Variants in MTRF1 observed in about 807,000 individuals in gnomAD.
MTRF1 encodes the protein mitochondrial translation release factor 1, also known as peptide chain release factor 1, mitochondrial.
MTRF1 carries 51 observed loss-of-function variants against 62.9 expected under a neutral mutation model. That is an observed-to-expected ratio of 0.81 (90% CI 0.65 to 1.02). The LOEUF is 1.02. Among genes scored for constraint, MTRF1 ranks in the 50% least tolerant of loss-of-function variants. MTRF1 has a pLI of 0.00. For synonymous variants in MTRF1, 158 were observed against 181.9 expected (o/e 0.87, Z 1.06); for missense variants, 446 against 530.0 (o/e 0.84, Z 1.56).
the MTRF1 span, among the ~76,000 whole-genome samples, chr13:41,295,022 C>T: frequency 3.9e-5 from 6 of 152,194 alleles, no homozygotes; most frequent in Non-Finnish European, 5.9e-5. Flanking sequence ...ACTTATATCT[C>T]GGAAGTTCAA....
At chr13:41,253,435 C>G (rs1439954982) in intron 3 of MTRF1, among the ~76,000 whole-genome samples, 1 of 152,166 alleles carries the variant, frequency 6.6e-6, no homozygotes, top group Non-Finnish European at 1.5e-5. Context: ...ATATTATCTT[C>G]TGCTATAACT....
At chr13:41,278,497 G>A in the MTRF1 span, among the ~76,000 whole-genome samples, 160 of 152,226 alleles carry the variant, frequency 1.1e-3, no homozygotes, top group African/African-American at 3.7e-3. Flanking sequence ...AGTCATTTAC[G>A]GCCTATGCTC....
At chr13:41,278,421 C>G in the MTRF1 span, among the ~76,000 whole-genome samples, 4 of 152,078 alleles carry the variant, frequency 2.6e-5, no homozygotes, top group South Asian at 2.1e-4. Context: ...TTAAATACCC[C>G]CTAGGATTCC....
chr13:41,281,122 C>T, the MTRF1 span, among the ~76,000 whole-genome samples: 2 of 152,162 alleles, frequency 1.3e-5, no homozygotes, highest in Admixed American at 1.3e-4. Context: ...CCCCTCATGT[C>T]GAGTGTGAGC....
At chr13:41,259,715 A>AAAC (rs2040205909) in intron 2 of MTRF1, among the ~76,000 whole-genome samples, 3 of 150,488 alleles carry the variant, frequency 2.0e-5, no homozygotes, top group African/African-American at 7.3e-5. Context: ...AAAAAAAAAA[A>AAAC]AAAAAACATA....
chr13:41,286,595 G>T, the MTRF1 span, among the ~76,000 whole-genome samples: 1 of 152,198 alleles, frequency 6.6e-6, no homozygotes, highest in Non-Finnish European at 1.5e-5. Context: ...CTTGTGAAAT[G>T]AGTGTAAATT....
chr13:41,255,045 A>C (rs1248407464), intron 2 of MTRF1, among the ~76,000 whole-genome samples: 1 of 152,214 alleles, frequency 6.6e-6, no homozygotes, highest in East Asian at 1.9e-4. Context: ...AACCCAAATA[A>C]GATAAGATTT....
intron 6 of MTRF1, among the ~76,000 whole-genome samples, chr13:41,237,400 TA>T (rs1238464946): frequency 6.6e-6 from 1 of 151,244 alleles, no homozygotes; most frequent in African/African-American, 2.4e-5. Flanking sequence ...TAAAATGAAA[TA>T]AAAACAGAAA....
chr13:41,266,340 GGT>G (rs1233055175), upstream of MTRF1, among the ~76,000 whole-genome samples: 1 of 152,122 alleles, frequency 6.6e-6, no homozygotes, highest in African/African-American at 2.4e-5. Context: ...GGCTGGGCGT[GGT>G]GGCTCACGCC....
chr13:41,249,619 C>CTTTTTTTTTTT lies in MTRF1; in HGVS notation c.697+3015_697+3025dup, dbSNP rs1166204914. On this transcript the variant is annotated intron_variant, in intron 5 of 9. Coordinates refer to ENST00000379480, the MANE Select transcript of MTRF1 (RefSeq NM_004294.4). ...TATTCTTAGTCTTTGATTTTTTTTTCTTTTTTTTTTTTTTTTTTTTTTTTT... is the reference window on the plus strand; with the variant it reads ...TATTCTTAGTCTTTGATTTTTTTTTCTTTTTTTTTTTTTTTTTTTTTTTTTTTTTTTTTTTT... Among the ~76,000 whole-genome samples the CTTTTTTTTTTT allele has an allele frequency of 9.9e-4, 61 of 61,534 alleles. 1 individual carries two copies. Among genetic ancestry groups the CTTTTTTTTTTT allele is most frequent in the East Asian group, 1.3e-3 (2 of 1,554 alleles). 40.4% of individuals were successfully genotyped at this position (61,534 alleles called of 152,430 possible).
At chr13:41,270,876 TA>T in the MTRF1 span, among the ~76,000 whole-genome samples, 6 of 152,096 alleles carry the variant, frequency 3.9e-5, no homozygotes, top group Admixed American at 2.0e-4. Flanking sequence ...TAGCTGGGAT[TA>T]CAGGCATGCG....
intron 9 of MTRF1, among the ~76,000 whole-genome samples, chr13:41,217,497 CT>C (rs2138608480): frequency 1.3e-5 from 2 of 152,284 alleles, no homozygotes; most frequent in South Asian, 4.1e-4. Flanking sequence ...TCTAGATGGA[CT>C]TTTGAAACTG....
At chr13:41,243,946 A>G (rs1053531400) in intron 5 of MTRF1, among the ~76,000 whole-genome samples, 7 of 152,176 alleles carry the variant, frequency 4.6e-5, no homozygotes, top group Non-Finnish European at 7.3e-5. Context: ...TGATTGTACT[A>G]TATCTATACT....
At chr13:41,306,244 C>T in the MTRF1 span, among the ~76,000 whole-genome samples, 13,396 of 151,906 alleles carry the variant, frequency 0.088, 1,948 homozygotes, top group African/African-American at 0.3. Flanking sequence ...ATTAGCCGGG[C>T]GTGGTGGCGG....
the MTRF1 span, among the ~76,000 whole-genome samples, chr13:41,289,622 C>T: frequency 6.6e-6 from 1 of 152,198 alleles, no homozygotes; most frequent in Admixed American, 6.5e-5. Context: ...CAAAGTCAAA[C>T]TTGCACCAGA....
the MTRF1 span, among the ~76,000 whole-genome samples, chr13:41,300,860 C>T: frequency 1.3e-5 from 2 of 152,158 alleles, no homozygotes; most frequent in African/African-American, 4.8e-5. Flanking sequence ...ATGGGCGAGG[C>T]AGCTAGTCAA....
the MTRF1 span, among the ~76,000 whole-genome samples, chr13:41,306,250 G>A: frequency 2.0e-5 from 3 of 152,100 alleles, no homozygotes; most frequent in Non-Finnish European, 2.9e-5. Context: ...CGGGCGTGGT[G>A]GCGGGCGCCT....
intron 5 of MTRF1, among the ~76,000 whole-genome samples, chr13:41,245,520 T>C (rs1057199234): frequency 2.6e-5 from 4 of 152,218 alleles, no homozygotes; most frequent in East Asian, 1.9e-4. Flanking sequence ...CTGGGGAATA[T>C]AGGTGTGAGC....
chr13:41,288,093 T>C, the MTRF1 span: 4 of 468,878 alleles, frequency 8.5e-6, no homozygotes, highest in Non-Finnish European at 1.7e-5. Flanking sequence ...TAAAAATATG[T>C]CTGTTTACAG....
Sources: gnomAD v4.1 joint callset for allele counts (sites outside exome capture counted in the v4.1 genomes callset) on GRCh38, gnomAD v4.1.1 for gene constraint, MANE v1.5 for transcripts, NCBI Gene and HGNC (gene_info 2026-07-23, HGNC 2026-07-21) for gene names.